Variants in FSHR observed in about 807,000 individuals in gnomAD.
FSHR encodes follicle-stimulating hormone receptor.
FSHR carries 46 observed loss-of-function variants against 52.1 expected under a neutral mutation model. That is an observed-to-expected ratio of 0.88 (90% CI 0.70 to 1.13). The LOEUF is 1.13. FSHR is among the 50% of genes most tolerant of loss of function. The pLI, the probability that FSHR is intolerant of heterozygous loss-of-function variation, is 0.00. For missense variants in FSHR, 964 were observed against 834.6 expected (o/e 1.16, Z -1.91); for synonymous variants, 399 against 309.6 (o/e 1.29, Z -3.03).
chr2:48,974,781 TAGATCTTGTTC>T (rs1674909743), intron 8 of FSHR, among the ~76,000 whole-genome samples: 1 of 152,136 alleles, frequency 6.6e-6, no homozygotes, highest in Non-Finnish European at 1.5e-5. Flanking sequence ...ATGAGATAAG[TAGATCTTGTTC>T]AGATCTTGGC....
chr2:49,025,693 G>A (rs1217964213), intron 2 of FSHR, among the ~76,000 whole-genome samples: 1 of 152,122 alleles, frequency 6.6e-6, no homozygotes, highest in East Asian at 1.9e-4. Context: ...CCACTGTGCT[G>A]AGGGAAAACT....
chr2:48,994,200 G>A (rs1036985001), intron 4 of FSHR, among the ~76,000 whole-genome samples: 1 of 152,142 alleles, frequency 6.6e-6, no homozygotes, highest in African/African-American at 2.4e-5. Flanking sequence ...GTTTATTACA[G>A]CTTACTCATT....
At chr2:48,984,125 ACT>A (rs1015595056) in intron 6 of FSHR, among the ~76,000 whole-genome samples, 2 of 152,020 alleles carry the variant, frequency 1.3e-5, no homozygotes, top group African/African-American at 4.8e-5. Flanking sequence ...TGCATCCAGG[ACT>A]CTCTTTCCTG....
chr2:49,033,968 AG>A lies in FSHR; in HGVS notation c.225-13809del, dbSNP rs371389504. On this transcript the variant is annotated intron_variant, in intron 2 of 9. Transcript: ENST00000406846. ...GGATATCAATGGGCTTTAGGTCCTC[AG>A]CCACTGAAGGAAAAGATGAAGTGAG... 4.0e-3 allele frequency among the ~76,000 whole-genome samples: 603 copies of A among 152,312 alleles called. 1 individual carries two copies. The highest frequency in any genetic ancestry group is 0.013 in the African/African-American group (555 of 41,564).
intron 8 of FSHR, among the ~76,000 whole-genome samples, chr2:48,982,693 AC>A (rs2104065345): frequency 6.6e-6 from 1 of 152,354 alleles, no homozygotes; most frequent in Non-Finnish European, 1.5e-5. Context: ...GACACTCTGT[AC>A]GTGCTCATTA....
intron 1 of FSHR, among the ~76,000 whole-genome samples, chr2:49,127,544 A>ACC (rs1321361074): frequency 6.6e-6 from 1 of 151,254 alleles, no homozygotes; most frequent in Admixed American, 6.6e-5. Context: ...ACACACACAC[A>ACC]CACCCCATGT....
chr2:48,965,679 C>T (rs1299589957), intron 9 of FSHR, among the ~76,000 whole-genome samples: 1 of 152,200 alleles, frequency 6.6e-6, no homozygotes, highest in East Asian at 1.9e-4. Flanking sequence ...ACAGCCTTCA[C>T]TTCCTATGGC....
chr2:48,972,386 G>A (rs914001931), intron 8 of FSHR, among the ~76,000 whole-genome samples: 3 of 152,058 alleles, frequency 2.0e-5, no homozygotes, highest in African/African-American at 7.2e-5. Context: ...TCAGATTTGG[G>A]GTCCCTGGAG....
intron 1 of FSHR, among the ~76,000 whole-genome samples, chr2:49,126,294 A>G (rs746628541): frequency 2.1e-5 from 3 of 144,326 alleles, no homozygotes; most frequent in Non-Finnish European, 3.0e-5. Context: ...AAGGCAAGAG[A>G]GCACATGCGC....
chr2:48,993,535 A>G (rs772107752), intron 4 of FSHR, among the ~76,000 whole-genome samples: 6 of 152,078 alleles, frequency 3.9e-5, no homozygotes, highest in African/African-American at 1.2e-4. Context: ...AATGTCTGCA[A>G]TATTATCCTC....
At chr2:49,088,007 T>G (rs982739792) in intron 1 of FSHR, among the ~76,000 whole-genome samples, 3 of 152,208 alleles carry the variant, frequency 2.0e-5, no homozygotes, top group African/African-American at 4.8e-5. Context: ...CAGTATCTAA[T>G]ATAATCTTCA....
intron 2 of FSHR, among the ~76,000 whole-genome samples, chr2:49,051,136 G>T (rs1052723933): frequency 6.6e-6 from 1 of 152,034 alleles, no homozygotes; most frequent in South Asian, 2.1e-4. Context: ...CCATTGGCCT[G>T]CTGATGGACA....
At chr2:49,103,017 C>T (rs149099465) in intron 1 of FSHR, among the ~76,000 whole-genome samples, 337 of 152,162 alleles carry the variant, frequency 2.2e-3, no homozygotes, top group African/African-American at 7.4e-3. Context: ...TAATCTTCCC[C>T]GCCTTCCCCC....
chr2:49,076,245 A>C (rs1055285585), intron 1 of FSHR, among the ~76,000 whole-genome samples: 1 of 152,192 alleles, frequency 6.6e-6, no homozygotes, highest in Non-Finnish European at 1.5e-5. Flanking sequence ...TACAAAAGAA[A>C]GAGGTTTAAT....
At chr2:49,045,061 C>G (rs1304221736) in intron 2 of FSHR, among the ~76,000 whole-genome samples, 2 of 152,200 alleles carry the variant, frequency 1.3e-5, no homozygotes, top group Non-Finnish European at 2.9e-5. Flanking sequence ...TAAATGTGAT[C>G]TGACAATGAC....
chr2:49,095,354 G>T (rs747608897), intron 1 of FSHR, among the ~76,000 whole-genome samples: 3 of 152,112 alleles, frequency 2.0e-5, no homozygotes, highest in Non-Finnish European at 4.4e-5. Flanking sequence ...TTTGACAAGG[G>T]TGATGACATT....
intron 1 of FSHR, among the ~76,000 whole-genome samples, chr2:49,143,838 A>G (rs1672776457): frequency 6.6e-6 from 1 of 152,146 alleles, no homozygotes; most frequent in African/African-American, 2.4e-5. Context: ...AAAGTGATTT[A>G]TACTGCACCA....
intron 8 of FSHR, among the ~76,000 whole-genome samples, chr2:48,981,149 C>T (rs183226760): frequency 6.6e-6 from 1 of 152,166 alleles, no homozygotes; most frequent in Non-Finnish European, 1.5e-5. Flanking sequence ...ACTTTGTATT[C>T]TTGAGTACAT....
intron 2 of FSHR, among the ~76,000 whole-genome samples, chr2:49,063,207 G>A (rs1669377308): frequency 6.6e-6 from 1 of 152,072 alleles, no homozygotes; most frequent in South Asian, 2.1e-4. Flanking sequence ...CTGTACCCTG[G>A]CTTGAGAAAA....
Sources: allele counts gnomAD v4.1 joint callset (sites outside exome capture counted in the v4.1 genomes callset), GRCh38; gene constraint gnomAD v4.1.1; transcripts MANE v1.5; gene names NCBI Gene and HGNC (gene_info 2026-07-23, HGNC 2026-07-21).